MEGF11: variants seen among roughly 807,000 people sequenced by gnomAD.
MEGF11 encodes multiple epidermal growth factor-like domains protein 11.
In MEGF11, 126 loss-of-function variants were observed where a neutral mutation model predicts 146.6. The observed-to-expected ratio is 0.86, with a 90% CI of 0.74 to 1.00. The LOEUF is 1.00. MEGF11 is among the 50% of genes least tolerant of loss of function. MEGF11 has a pLI of 0.00. For synonymous variants in MEGF11, 532 were observed against 583.4 expected (o/e 0.91, Z 1.27); for missense variants, 1,509 against 1,521.2 (o/e 0.99, Z 0.13).
chr15:65,908,663 C>T (rs923635803), intron 23 of MEGF11, among the ~76,000 whole-genome samples: 2 of 152,218 alleles, frequency 1.3e-5, no homozygotes, highest in African/African-American at 4.8e-5. Flanking sequence ...GAGCTAACTC[C>T]CTGTTATCCA....
At chr15:66,047,106 C>A (rs912124135) in intron 5 of MEGF11, among the ~76,000 whole-genome samples, 15 of 152,252 alleles carry the variant, frequency 9.9e-5, no homozygotes, top group Non-Finnish European at 1.5e-4. Context: ...CTGACCTCTG[C>A]CTTTTAAAGG....
At chr15:65,983,544 AT>A (rs1317726888) in intron 5 of MEGF11, among the ~76,000 whole-genome samples, 2 of 152,194 alleles carry the variant, frequency 1.3e-5, no homozygotes, top group Non-Finnish European at 2.9e-5. Context: ...GGAAAGAATG[AT>A]TGCTCCCAGC....
At chr15:66,095,788 T>C (rs6494551) in intron 4 of MEGF11, among the ~76,000 whole-genome samples, 146,786 of 152,240 alleles carry the variant, frequency 0.96, 70,999 homozygotes, top group East Asian at 1. Flanking sequence ...AGATCCCTAG[T>C]ACCTGGGTCC....
At chr15:66,114,265 C>T (rs1426397990) in intron 4 of MEGF11, among the ~76,000 whole-genome samples, 1 of 152,172 alleles carries the variant, frequency 6.6e-6, no homozygotes, top group Non-Finnish European at 1.5e-5. Flanking sequence ...TAATTAGAGC[C>T]CTCTTCTCTC....
intron 1 of MEGF11, among the ~76,000 whole-genome samples, chr15:66,250,849 G>A (rs979515843): frequency 2.0e-5 from 3 of 151,824 alleles, no homozygotes; most frequent in Admixed American, 6.5e-5. Context: ...GGAGGTTGCC[G>A]TGAGCCAAGA....
intron 5 of MEGF11, among the ~76,000 whole-genome samples, chr15:66,057,366 G>A (rs1038604018): frequency 6.6e-6 from 1 of 152,128 alleles, no homozygotes; most frequent in Non-Finnish European, 1.5e-5. Flanking sequence ...AAGAAGTTAA[G>A]CTGTCTTTTG....
chr15:65,903,442 A>AG (rs2078543661), intron 24 of MEGF11, among the ~76,000 whole-genome samples: 1 of 152,202 alleles, frequency 6.6e-6, no homozygotes. Context: ...TTCTTCAGTA[A>AG]GTAACAGGGG....
chr15:66,165,668 T>C (rs2090078810), intron 1 of MEGF11, among the ~76,000 whole-genome samples: 1 of 152,122 alleles, frequency 6.6e-6, no homozygotes, highest in Non-Finnish European at 1.5e-5. Flanking sequence ...CTACCTTTTT[T>C]CCTCTCCCTC....
At chr15:65,965,645 C>A (rs114881931) in intron 8 of MEGF11, among the ~76,000 whole-genome samples, 845 of 55,722 alleles carry the variant, frequency 0.015, 13 homozygotes, top group African/African-American at 0.054. Flanking sequence ...CTATTCTTTT[C>A]GCCCTCTGAG....
chr15:65,920,222 G>A (rs535786949), intron 15 of MEGF11, among the ~76,000 whole-genome samples: 42 of 152,330 alleles, frequency 2.8e-4, no homozygotes, highest in African/African-American at 1.0e-3. Context: ...ACCATGGTTA[G>A]TAGCTGTGGC....
Position 66,016,414 on chromosome 15 carries a change from G to A in MEGF11, c.395-33926C>T, listed in dbSNP as rs1023660713. Among the ~76,000 whole-genome samples, 7 of 150,584 alleles carry A rather than the reference G, an allele frequency of 4.6e-5. No individual in the cohort carries two copies. The East Asian group carries it at 9.8e-4, about 21-fold the overall frequency. On this transcript the variant is annotated intron_variant, in intron 5 of 25. Transcript: ENST00000395614. ...GAATCACAACCCCGAGTTTTCTAACGACCGCAAAACAATTTGTCATTCTAT... is the reference window on the plus strand; with the variant it reads ...GAATCACAACCCCGAGTTTTCTAACAACCGCAAAACAATTTGTCATTCTAT...
chr15:66,218,371 G>C (rs988887458), intron 1 of MEGF11, among the ~76,000 whole-genome samples: 3 of 152,076 alleles, frequency 2.0e-5, no homozygotes. Flanking sequence ...GGGCTCATGG[G>C]GCCTGCAACC....
chr15:66,004,840 C>G (rs1237916163), intron 5 of MEGF11, among the ~76,000 whole-genome samples: 1 of 152,162 alleles, frequency 6.6e-6, no homozygotes, highest in Non-Finnish European at 1.5e-5. Context: ...GCAATGGGAC[C>G]CGGTGTGCTG....
intron 2 of MEGF11, among the ~76,000 whole-genome samples, chr15:66,125,449 G>A (rs1021108671): frequency 6.6e-6 from 1 of 152,158 alleles, no homozygotes; most frequent in African/African-American, 2.4e-5. Context: ...GAGCGTGCAC[G>A]GGCCCTGGAA....
Position 65,895,693 on chromosome 15 carries a change from C to T in MEGF11, c.*2241G>A, listed in dbSNP as rs16949083. On this transcript the variant is annotated 3_prime_UTR_variant, in exon 26 of 26. Transcript: ENST00000395614. ...ACACCCTCTGCCTTTCCCTTCTCCT[C>T]TGTATTGCCTGGTTTGACTTGTATT... 2 of 152,644 alleles carry T rather than the reference C, an allele frequency of 1.3e-5. No individual in the cohort carries two copies. The highest frequency in any genetic ancestry group is 2.9e-5 in the Non-Finnish European group (2 of 68,054). The allele number at this position is 152,644 out of a possible 1,614,324, so 9.5% of individuals were successfully genotyped here.
At chr15:66,119,376 A>G (rs1358126684) in intron 3 of MEGF11, among the ~76,000 whole-genome samples, 190 bp from the exon 4 acceptor site, 1 of 152,226 alleles carries the variant, frequency 6.6e-6, no homozygotes, top group Non-Finnish European at 1.5e-5. Context: ...TGCAGAATGT[A>G]TTACTAACAT....
intron 1 of MEGF11, among the ~76,000 whole-genome samples, chr15:66,202,386 C>CA (rs1447180770): frequency 1.1e-4 from 17 of 152,200 alleles, no homozygotes; most frequent in African/African-American, 4.1e-4. Context: ...GGTGAGCGGG[C>CA]ATGACGGCCC....
intron 5 of MEGF11, among the ~76,000 whole-genome samples, chr15:66,026,898 T>G (rs2083348083): frequency 6.6e-6 from 1 of 152,236 alleles, no homozygotes; most frequent in Non-Finnish European, 1.5e-5. Context: ...CCAGGAGCCT[T>G]ATAGGATCAG....
intron 1 of MEGF11, among the ~76,000 whole-genome samples, chr15:66,149,339 G>A (rs573291476): frequency 1.9e-4 from 29 of 152,316 alleles, no homozygotes; most frequent in African/African-American, 6.0e-4. Context: ...GGCCTTGACC[G>A]TCACTTGATC....
Sources: gnomAD v4.1 joint callset for allele counts (sites outside exome capture counted in the v4.1 genomes callset) on GRCh38, gnomAD v4.1.1 for gene constraint, MANE v1.5 for transcripts, NCBI Gene and HGNC (gene_info 2026-07-23, HGNC 2026-07-21) for gene names.